FKBP6: variants seen among roughly 807,000 people sequenced by gnomAD.
FKBP6 encodes inactive peptidyl-prolyl cis-trans isomerase FKBP6.
Under a neutral mutation model 41.7 loss-of-function variants are expected in FKBP6, and 29 were observed. The ratio of observed to expected loss-of-function variants is 0.70; its 90% CI spans 0.52 to 0.95. FKBP6 has a LOEUF of 0.95. Among genes scored for constraint, FKBP6 ranks in the 40% least tolerant of loss-of-function variants. The pLI, the probability that FKBP6 is intolerant of heterozygous loss-of-function variation, is 0.00. For missense variants in FKBP6, 338 were observed against 408.7 expected (o/e 0.83, Z 1.49); for synonymous variants, 130 against 165.1 (o/e 0.79, Z 1.63).
intron 5 of FKBP6, chr7:73,336,751 C>G (rs1805017035): frequency 4.4e-6 from 2 of 456,366 alleles, no homozygotes; most frequent in Non-Finnish European, 8.8e-6. Flanking sequence ...GGCTCTGTTT[C>G]ATGTTAGGCA....
At chr7:73,335,268 AT>A (rs1804969267) in intron 5 of FKBP6, among the ~76,000 whole-genome samples, 1 of 152,212 alleles carries the variant, frequency 6.6e-6, no homozygotes, top group Admixed American at 6.5e-5. Flanking sequence ...TAAAAGAGAC[AT>A]CACAAAGCTG....
At chr7:73,340,105 T>C (rs769957696) in intron 5 of FKBP6, among the ~76,000 whole-genome samples, 63 of 152,258 alleles carry the variant, frequency 4.1e-4, no homozygotes, top group Non-Finnish European at 8.4e-4. Context: ...CATTTTGTAG[T>C]TTTCAGTGTG....
At chr7:73,358,081 C>T (rs1805685576) in intron 8 of FKBP6, 100 bp from the exon 9 acceptor site, 1 of 152,018 alleles carries the variant, frequency 6.6e-6, no homozygotes, top group South Asian at 2.1e-4. Context: ...CGGCCATGCC[C>T]TTCCCTGACC....
At chr7:73,341,807 G>C (rs1805200157) in intron 7 of FKBP6, among the ~76,000 whole-genome samples, 1 of 151,812 alleles carries the variant, frequency 6.6e-6, no homozygotes, top group South Asian at 2.1e-4. Flanking sequence ...GGGATTACAG[G>C]CGTGTACCAC....
At chr7:73,340,251 G>A (rs1167806504) in intron 5 of FKBP6, among the ~76,000 whole-genome samples, 2 of 152,066 alleles carry the variant, frequency 1.3e-5, no homozygotes, top group East Asian at 1.9e-4. Flanking sequence ...ACTTTTGGCC[G>A]GGCATGGTGG....
rs1282208956 is a variant in FKBP6 at position 73,340,405 on chromosome 7, T to C, written c.589-233T>C. Among the ~76,000 whole-genome samples the C allele has an allele frequency of 2.6e-5, 4 of 152,104 alleles. No individual in the cohort carries two copies. The South Asian group carries it at 8.3e-4, about 32-fold the overall frequency. On this transcript the variant is annotated intron_variant, in intron 5 of 8. Coordinates refer to ENST00000252037, the MANE Select transcript of FKBP6 (RefSeq NM_003602.5). Reference sequence around the variant, plus strand: ...GGTGGTGCACACCTGTAGTCCCAGCTACTCAGAAGGCGGAGGTTGCAGTGA... The same window carrying C: ...GGTGGTGCACACCTGTAGTCCCAGCCACTCAGAAGGCGGAGGTTGCAGTGA...
chr7:73,330,410 T>A, intron 4 of FKBP6, 58 bp downstream of exon 4: 1 of 1,335,278 alleles, frequency 7.5e-7, no homozygotes, highest in Non-Finnish European at 1.1e-6. Flanking sequence ...GTTGGTGTTA[T>A]TGGTAATTCT....
At position 73,330,340 on chromosome 7, in the gene FKBP6, T is replaced by G; in HGVS notation, c.456T>G (p.Cys152Trp). 6.2e-7 allele frequency: 1 copy of G among 1,613,228 alleles called. No individual in the cohort carries two copies. Among genetic ancestry groups the G allele is most frequent in the South Asian group, 1.1e-5 (1 of 91,072 alleles). Residue 152 changes from cysteine to tryptophan, a missense_variant, in exon 4 of 9, where the codon TGT becomes TGG. Coordinates refer to ENST00000252037, the MANE Select transcript of FKBP6 (RefSeq NM_003602.5). ...ACTGTGCTGAGTCAGACAAGTTTTG[T>G]GCTCTCTCAGCTGTAAGTTCCAGAG... is the stretch of plus-strand genomic sequence containing the variant. ...FLDCAESDKF[C>W]ALSAEQQDQF... is the part of the protein sequence containing the mutation.
rs140580205 is a variant in FKBP6, at chr7:73,331,835, A to C, written c.588+59A>C. The C allele has an allele frequency of 6.0e-5, 92 of 1,539,146 alleles. 1 individual carries two copies. The East Asian group carries it at 1.2e-3, about 20-fold the overall frequency. ...GATCCTGAAAACTTCCTTGTTTAAAAAACACAGATTTTGTTTTGTTGTGAT... is the reference window on the plus strand; with the variant it reads ...GATCCTGAAAACTTCCTTGTTTAAACAACACAGATTTTGTTTTGTTGTGAT... On this transcript the variant is annotated intron_variant, in intron 5 of 8. Transcript: ENST00000252037.
chr7:73,332,700 T>A (rs1241175925), intron 5 of FKBP6, among the ~76,000 whole-genome samples: 1 of 152,182 alleles, frequency 6.6e-6, no homozygotes, highest in Non-Finnish European at 1.5e-5. Flanking sequence ...TGCCTCTGTA[T>A]ATGTACTTGA....
chr7:73,349,712 CAAAA>C (rs1213747722), intron 8 of FKBP6, among the ~76,000 whole-genome samples: 26 of 27,858 alleles, frequency 9.3e-4, no homozygotes, highest in African/African-American at 2.8e-3. Flanking sequence ...GACTCCGTCT[CAAAA>C]AAAAAAAAAA....
rs563835080 is a variant in FKBP6 at position 73,346,482 on chromosome 7, C to T, written c.*2+3583C>T. Among the ~76,000 whole-genome samples the T allele has an allele frequency of 3.3e-5, 5 of 152,332 alleles. No individual in the cohort carries two copies. The South Asian group carries it at 1.0e-3, about 32-fold the overall frequency. ...AGGCTTTGCTGAGCTAGGCCTGGGG[C>T]ATGGGCCCAAGGGGCCCCAGGAGGG... On this transcript the variant is annotated intron_variant, in intron 8 of 8. Coordinates refer to ENST00000252037, the MANE Select transcript of FKBP6 (RefSeq NM_003602.5).
At chr7:73,353,174 C>T (rs2115975562) in intron 8 of FKBP6, among the ~76,000 whole-genome samples, 1 of 152,238 alleles carries the variant, frequency 6.6e-6, no homozygotes, top group East Asian at 1.9e-4. Flanking sequence ...TTTGTCTCCT[C>T]CTTTTTCTGA....
At chr7:73,352,356 G>A (rs181129117) in intron 8 of FKBP6, among the ~76,000 whole-genome samples, 11 of 152,290 alleles carry the variant, frequency 7.2e-5, no homozygotes, top group East Asian at 1.9e-4. Flanking sequence ...AATTTCTTGC[G>A]TTCATTAGGT....
At chr7:73,343,463 T>A (rs1805252729) in intron 8 of FKBP6, among the ~76,000 whole-genome samples, 1 of 152,226 alleles carries the variant, frequency 6.6e-6, no homozygotes, top group Non-Finnish European at 1.5e-5. Context: ...TCTGTTCATC[T>A]TCTTTCTCCT....
chr7:73,344,257 A>G (rs1385124853), intron 8 of FKBP6, among the ~76,000 whole-genome samples: 4 of 152,368 alleles, frequency 2.6e-5, no homozygotes, highest in Admixed American at 2.6e-4. Context: ...ATCCCAGACA[A>G]GGGCTTGGGC....
At chr7:73,340,864 C>T (rs1554549399) in intron 6 of FKBP6, 32 bp downstream of exon 6, 2 of 1,517,538 alleles carry the variant, frequency 1.3e-6, no homozygotes, top group Non-Finnish European at 1.8e-6. Context: ...TGGGAATAAA[C>T]ACCCAGGAAA....
At position 73,343,855 on chromosome 7, in the gene FKBP6, G is replaced by T. The variant is rs139391856; in HGVS notation, c.*2+956G>T. 7.2e-5 allele frequency among the ~76,000 whole-genome samples: 11 copies of T among 152,308 alleles called. No homozygotes were observed. The East Asian group carries it at 1.3e-3, about 19-fold the overall frequency. Reference sequence around the variant, plus strand: ...AAAACAGCTGCTGAACGGGCTCATGGTGATAAATCTCTCCTTTGTTGCTTC... The same window carrying T: ...AAAACAGCTGCTGAACGGGCTCATGTTGATAAATCTCTCCTTTGTTGCTTC... On this transcript the variant is annotated intron_variant, in intron 8 of 8. Coordinates refer to ENST00000252037, the MANE Select transcript of FKBP6 (RefSeq NM_003602.5).
At chr7:73,328,510 C>T in intron 1 of FKBP6, 25 bp downstream of exon 1, 4 of 1,555,358 alleles carry the variant, frequency 2.6e-6, no homozygotes, top group Admixed American at 1.9e-5. Flanking sequence ...GTTTCGGGGG[C>T]GTAGACGCTG....
Sources: gnomAD v4.1 joint callset for allele counts (sites outside exome capture counted in the v4.1 genomes callset) on GRCh38, gnomAD v4.1.1 for gene constraint, MANE v1.5 for transcripts, NCBI Gene and HGNC (gene_info 2026-07-23, HGNC 2026-07-21) for gene names.